The following DPH5 variants were observed in gnomAD, a reference collection of about 807,000 sequenced individuals.
DPH5 encodes the protein diphthamide biosynthesis 5.
In DPH5, 31 loss-of-function variants were observed where a neutral mutation model predicts 31.6. That is an observed-to-expected ratio of 0.98 (90% CI 0.74 to 1.32). DPH5 has a LOEUF of 1.32. Among genes scored for constraint, DPH5 ranks in the 40% most tolerant of loss-of-function variants. The pLI is 0.00. For synonymous variants in DPH5, 120 were observed against 115.0 expected (o/e 1.04, Z -0.28); for missense variants, 309 against 335.7 (o/e 0.92, Z 0.62).
intron 6 of DPH5, 105 bp from the exon 7 acceptor site, chr1:100,992,845 TTC>T (rs1446073036): frequency 1.5e-6 from 1 of 677,534 alleles, no homozygotes; most frequent in Admixed American, 2.4e-5. Context: ...ACAGTCTACA[TTC>T]TGTTTGATGT....
At chr1:101,011,093 A>T (rs1659597909) in intron 4 of DPH5, among the ~76,000 whole-genome samples, 1 of 152,222 alleles carries the variant, frequency 6.6e-6, no homozygotes, top group African/African-American at 2.4e-5. Flanking sequence ...CATAAGCGCT[A>T]GTCCAAAAAG....
chr1:101,024,631 T>G (rs1369915904), intron 2 of DPH5, among the ~76,000 whole-genome samples: 1 of 152,222 alleles, frequency 6.6e-6, no homozygotes, highest in African/African-American at 2.4e-5. Flanking sequence ...TACATTCTAC[T>G]TAGAGTTTGA....
intron 6 of DPH5, among the ~76,000 whole-genome samples, chr1:100,994,460 G>A (rs1452532967): frequency 6.6e-6 from 1 of 151,744 alleles, no homozygotes; most frequent in African/African-American, 2.4e-5. Flanking sequence ...TTATACATCT[G>A]AAGAAAATAA....
At chr1:101,010,486 G>A (rs1273420384) in intron 4 of DPH5, among the ~76,000 whole-genome samples, 1 of 152,152 alleles carries the variant, frequency 6.6e-6, no homozygotes, top group Admixed American at 6.5e-5. Context: ...ATACTCAGTG[G>A]TTGATTCTGA....
At chr1:101,010,008 G>A (rs989819241) in intron 4 of DPH5, among the ~76,000 whole-genome samples, 2 of 152,128 alleles carry the variant, frequency 1.3e-5, no homozygotes, top group Admixed American at 1.3e-4. Context: ...GACCTCAGTA[G>A]TGACTTAGTC....
chr1:101,018,222 G>C (rs1209320463), intron 3 of DPH5, among the ~76,000 whole-genome samples: 3 of 150,452 alleles, frequency 2.0e-5, no homozygotes, highest in African/African-American at 7.3e-5. Context: ...TGACCAATTT[G>C]AATATACAAA....
Position 100,999,598 on chromosome 1 carries a change from T to C in DPH5, c.490+1869A>G, listed in dbSNP as rs144197040. ...GCTCATACCTGTAATCCCAGCACTT[T>C]GGGGGGCAGAGGCGGGCAGATCTTA... On this transcript the variant is annotated intron_variant, in intron 5 of 7. Coordinates refer to ENST00000370109, the MANE Select transcript of DPH5 (RefSeq NM_015958.3). Among the ~76,000 whole-genome samples the C allele has an allele frequency of 7.9e-3, 1,197 of 152,238 alleles. 12 individuals are homozygous for C. Among genetic ancestry groups the C allele is most frequent in the African/African-American group, 0.027 (1,132 of 41,542 alleles).
At chr1:101,017,672 TA>T (rs1231232512) in intron 3 of DPH5, among the ~76,000 whole-genome samples, 9 of 152,102 alleles carry the variant, frequency 5.9e-5, no homozygotes, top group African/African-American at 2.2e-4. Flanking sequence ...GCATACCAAG[TA>T]GGAAGATAAA....
chr1:100,999,402 A>G (rs993983717), intron 5 of DPH5, among the ~76,000 whole-genome samples: 2 of 152,214 alleles, frequency 1.3e-5, no homozygotes, highest in Non-Finnish European at 2.9e-5. Flanking sequence ...GTATGCTGAG[A>G]TTGTGACACT....
At position 100,992,744 on chromosome 1, in the gene DPH5, T is replaced by TA; in HGVS notation, c.531-5dup. 2 of 1,605,754 alleles carry TA rather than the reference T, an allele frequency of 1.2e-6. No homozygotes were observed. The highest frequency in any genetic ancestry group is 1.7e-6 in the Non-Finnish European group (2 of 1,173,120). ...AGGTTCATAGATCTTCCTTCCCCTA[T>TA]AGGCAGAAAACTAGATGCCACTGTT... On this transcript the variant is annotated splice_region_variant and splice_polypyrimidine_tract_variant and intron_variant, in intron 6 of 7. Transcript: ENST00000370109.
In DPH5 at chr1:101,025,305, C is replaced by G; in HGVS notation, c.135+4G>C. The G allele has an allele frequency of 6.2e-7, 1 of 1,613,884 alleles. No homozygotes were observed. Among genetic ancestry groups the G allele is most frequent in the Non-Finnish European group, 8.5e-7 (1 of 1,179,916 alleles). On this transcript the variant is annotated splice_donor_region_variant and intron_variant, in intron 2 of 7. Coordinates refer to ENST00000370109, the MANE Select transcript of DPH5 (RefSeq NM_015958.3). ...CAGGAGGCTGGGGAACGCTCAGCAC[C>G]TACCAAGGCTTCCTTCCCTACAGTT...
Position 101,021,720 on chromosome 1 carries a change from C to T in DPH5, c.181G>A (p.Val61Met). 6.2e-7 allele frequency: 1 copy of T among 1,613,730 alleles called. No homozygotes were observed. Among genetic ancestry groups the T allele is most frequent in the Non-Finnish European group, 8.5e-7 (1 of 1,179,776 alleles). Residue 61 changes from valine (V) to methionine (M), a missense_variant, in exon 3 of 8, where the codon GTG (valine) becomes ATG (methionine). Val to Met is a conservative substitution (Grantham distance 21). Transcript: ENST00000370109. ...AAAATATTATCTGCTTCTTGTTCCA[C>T]TTCTTCTCTATCAGCAACAACCAAT... ...RKLVVADREEVEQEADNILKD... is the reference protein window; with the variant it reads ...RKLVVADREEMEQEADNILKD...
rs10527775 is a variant in DPH5 at position 100,993,559 on chromosome 1, A to AATATATATATATATATAT, written c.531-837_531-820dup. ...AGAGCAAGACTCTGTCGAAAATATA[A>AATATATATATATATATAT]ATATATATATATATATATATATATA... On this transcript the variant is annotated intron_variant, in intron 6 of 7. Transcript: ENST00000370109. Among the ~76,000 whole-genome samples the AATATATATATATATATAT allele has an allele frequency of 4.4e-3, 248 of 56,440 alleles. 12 individuals carry two copies. Among genetic ancestry groups the AATATATATATATATATAT allele is most frequent in the Middle Eastern group, 0.013 (1 of 78 alleles). 37.0% of individuals were successfully genotyped at this position (56,440 alleles called of 152,430 possible).
chr1:101,024,563 A>G (rs1487485730), intron 2 of DPH5, among the ~76,000 whole-genome samples: 1 of 152,214 alleles, frequency 6.6e-6, no homozygotes, highest in Non-Finnish European at 1.5e-5. Flanking sequence ...TTTTGTTTGG[A>G]AGACATGACA....
intron 6 of DPH5, among the ~76,000 whole-genome samples, chr1:100,994,011 G>A (rs1658105236): frequency 6.6e-6 from 1 of 151,714 alleles, no homozygotes; most frequent in South Asian, 2.1e-4. Context: ...CAAAGTACTG[G>A]GATTACAGGC....
At chr1:101,005,547 T>C (rs1659168442) in intron 4 of DPH5, among the ~76,000 whole-genome samples, 1 of 152,200 alleles carries the variant, frequency 6.6e-6, no homozygotes, top group African/African-American at 2.4e-5. Flanking sequence ...GTTGAATGAC[T>C]ACGTAGACAG....
In DPH5 at chr1:101,025,300, A is replaced by G. The variant is rs1237406581; in HGVS notation, c.135+9T>C. 1 of 1,613,840 alleles carries G rather than the reference A, an allele frequency of 6.2e-7. No individual in the cohort carries two copies. Among genetic ancestry groups the G allele is most frequent in the South Asian group, 1.1e-5 (1 of 91,050 alleles). On this transcript the variant is annotated intron_variant, in intron 2 of 7. Coordinates refer to ENST00000370109, the MANE Select transcript of DPH5 (RefSeq NM_015958.3). ...CTTCCCAGGAGGCTGGGGAACGCTC[A>G]GCACCTACCAAGGCTTCCTTCCCTA...
chr1:100,998,447 T>A (rs1260142749), intron 5 of DPH5, among the ~76,000 whole-genome samples: 1 of 151,540 alleles, frequency 6.6e-6, no homozygotes, highest in African/African-American at 2.4e-5. Flanking sequence ...AGGCAGAGGT[T>A]GCAGTGAGCC....
chr1:101,011,895 CTTTTTTTTTTTT>C (rs11352737), intron 4 of DPH5, among the ~76,000 whole-genome samples: 1 of 108,156 alleles, frequency 9.2e-6, no homozygotes, highest in East Asian at 2.6e-4. Context: ...ATTATCAATT[CTTTTTTTTTTTT>C]TTTTTTTTTG....
Sources: gnomAD v4.1 joint callset for allele counts (sites outside exome capture counted in the v4.1 genomes callset) on GRCh38, gnomAD v4.1.1 for gene constraint, MANE v1.5 for transcripts, NCBI Gene and HGNC (gene_info 2026-07-23, HGNC 2026-07-21) for gene names.